The following BLNK variants were observed in gnomAD, a reference collection of about 807,000 sequenced individuals.
BLNK encodes B-cell linker protein.
In BLNK, 29 loss-of-function variants were observed where a neutral mutation model predicts 73.5. The observed-to-expected ratio is 0.39, with a 90% CI of 0.29 to 0.54. BLNK has a LOEUF of 0.54. BLNK is among the 20% of genes least tolerant of loss of function. The pLI is 0.61. For missense variants in BLNK, 460 were observed against 562.8 expected (o/e 0.82, Z 1.85); for synonymous variants, 176 against 200.8 (o/e 0.88, Z 1.04).
At chr10:96,201,136 A>G in intron 13 of BLNK, 78 bp from the exon 14 acceptor site, 1 of 1,297,262 alleles carries the variant, frequency 7.7e-7, no homozygotes, top group South Asian at 1.2e-5. Context: ...CTAACACTGT[A>G]CTAGGTGCTG....
chr10:96,223,109 A>AACTGGT lies in BLNK; in HGVS notation c.525+711_525+716dup, dbSNP rs587730106. 3.5e-3 allele frequency among the ~76,000 whole-genome samples: 536 copies of AACTGGT among 152,320 alleles called. 3 individuals carry two copies. Among genetic ancestry groups the AACTGGT allele is most frequent in the Middle Eastern group, 0.014 (4 of 294 alleles). On this transcript the variant is annotated intron_variant, in intron 6 of 16. Coordinates refer to ENST00000224337, the MANE Select transcript of BLNK (RefSeq NM_013314.4). ...ATTAAGAGGCAAAATGGCAGCGTTT[A>AACTGGT]ACTGGTACTTGACCTTCTAGAAACA...
rs1483261531 is a variant in BLNK, at chr10:96,200,444, C to T, written c.1012-286G>A. Among the ~76,000 whole-genome samples, 1 of 152,094 alleles carries T rather than the reference C, an allele frequency of 6.6e-6. No homozygotes were observed. The highest frequency in any genetic ancestry group is 2.1e-4 in the South Asian group (1 of 4,816). Reference sequence around the variant, plus strand: ...TTCCATTGTGCTCTTATTGCTCTTACTTTGTGGAGTGCTTTACAATTTCCA... The same window carrying T: ...TTCCATTGTGCTCTTATTGCTCTTATTTTGTGGAGTGCTTTACAATTTCCA... On this transcript the variant is annotated intron_variant, in intron 14 of 16. Coordinates refer to ENST00000224337, the MANE Select transcript of BLNK (RefSeq NM_013314.4). The surrounding 1 kb of genome is among the most constrained non-coding windows in gnomAD (Gnocchi z 4.3).
Position 96,189,790 on chromosome 10 carries a change from G to A in BLNK, c.*2183C>T. 3.3e-6 allele frequency: 3 copies of A among 916,460 alleles called. No individual in the cohort carries two copies. Among genetic ancestry groups the A allele is most frequent in the African/African-American group, 1.6e-5 (1 of 63,156 alleles). The allele number at this position is 916,460 out of a possible 1,614,324, so 56.8% of individuals were successfully genotyped here. ...CTGGAATCTTGCTACCACCTCCAGG[G>A]ACAGATCACTTTCCAGATATCCTTA... On this transcript the variant is annotated 3_prime_UTR_variant, in exon 17 of 17. Transcript: ENST00000224337.
chr10:96,255,297 C>A (rs1471859375), intron 1 of BLNK, among the ~76,000 whole-genome samples: 1 of 152,100 alleles, frequency 6.6e-6, no homozygotes, highest in Non-Finnish European at 1.5e-5. Flanking sequence ...CCAGAGGTGT[C>A]CAAGAAATTA....
rs1412067321 is a variant in BLNK at position 96,209,916 on chromosome 10, A to G, written c.677-9T>C. On this transcript the variant is annotated splice_polypyrimidine_tract_variant and intron_variant, in intron 8 of 16. Coordinates refer to ENST00000224337, the MANE Select transcript of BLNK (RefSeq NM_013314.4). The stretch of plus-strand genomic sequence containing the variant: ...GGCCCCACTGTTTCGACCTGCACAA[A>G]CATATACACTACTCAGTCCCCAAGT... 1.2e-6 allele frequency: 2 copies of G among 1,614,056 alleles called. No homozygotes were observed. The highest frequency in any genetic ancestry group is 8.5e-7 in the Non-Finnish European group (1 of 1,180,010).
intron 16 of BLNK, among the ~76,000 whole-genome samples, chr10:96,196,598 T>G (rs963372334): frequency 2.0e-5 from 3 of 152,218 alleles, no homozygotes; most frequent in Non-Finnish European, 4.4e-5. Flanking sequence ...TCTTACAACC[T>G]TAATTCAACT....
At position 96,200,971 on chromosome 10, in the gene BLNK, T is replaced by A. The variant is rs2083617322; in HGVS notation, c.1011+11A>T. 6.2e-7 allele frequency: 1 copy of A among 1,611,654 alleles called. No homozygotes were observed. The highest frequency in any genetic ancestry group is 8.5e-7 in the Non-Finnish European group (1 of 1,177,832). On this transcript the variant is annotated intron_variant, in intron 14 of 16. Coordinates refer to ENST00000224337, the MANE Select transcript of BLNK (RefSeq NM_013314.4). This position sits in a 1 kb window ranked among gnomAD's most constrained non-coding sequence, Gnocchi z 4.3. The stretch of plus-strand genomic sequence containing the variant: ...GTAACAATTTAGTGACATCAAGAGT[T>A]CATTTCATACCTGTTCTGAAATAGT...
At chr10:96,223,301 G>T (rs190493053) in intron 6 of BLNK, among the ~76,000 whole-genome samples, 1 of 152,272 alleles carries the variant, frequency 6.6e-6, no homozygotes, top group Admixed American at 6.5e-5. Context: ...GTGTGCTAGT[G>T]TATAAAACCC....
intron 3 of BLNK, among the ~76,000 whole-genome samples, chr10:96,232,915 A>G (rs1261138408): frequency 1.3e-5 from 2 of 148,182 alleles, no homozygotes; most frequent in Admixed American, 6.6e-5. Context: ...CCTTGGTGCA[A>G]GCGATCCTGC....
intron 3 of BLNK, among the ~76,000 whole-genome samples, chr10:96,235,963 G>C (rs1554905000): frequency 6.6e-6 from 1 of 151,992 alleles, no homozygotes; most frequent in Non-Finnish European, 1.5e-5. Context: ...AGCTGAGATG[G>C]GGAGCTGATG....
chr10:96,213,334 C>T (rs1554899082), intron 8 of BLNK, among the ~76,000 whole-genome samples: 1 of 152,156 alleles, frequency 6.6e-6, no homozygotes, highest in Non-Finnish European at 1.5e-5. Flanking sequence ...GCAAGGTCTC[C>T]AAGGAGCTTG....
chr10:96,257,015 C>T (rs772799081), intron 1 of BLNK, among the ~76,000 whole-genome samples: 1 of 151,972 alleles, frequency 6.6e-6, no homozygotes, highest in African/African-American at 2.4e-5. Flanking sequence ...CATCTCACAT[C>T]TCTAGTCACA....
chr10:96,197,894 T>G (rs1278498132), intron 15 of BLNK, among the ~76,000 whole-genome samples: 1 of 138,806 alleles, frequency 7.2e-6, no homozygotes, highest in Non-Finnish European at 1.5e-5. Flanking sequence ...CCAGCCTGGG[T>G]GACAGAGCGA....
intron 12 of BLNK, 143 bp downstream of exon 12, chr10:96,204,389 C>T (rs1178916985): frequency 1.2e-5 from 12 of 1,009,002 alleles, no homozygotes; most frequent in Middle Eastern, 2.0e-4. Context: ...TGCTCAACAC[C>T]TTTTAACACG....
chr10:96,216,535 G>T, intron 7 of BLNK, 118 bp downstream of exon 7: 1 of 865,446 alleles, frequency 1.2e-6, no homozygotes, highest in Non-Finnish European at 1.9e-6. Context: ...CTGTGGCCCA[G>T]GGGAGAAAGT....
At chr10:96,218,029 A>G (rs1234050747) in intron 6 of BLNK, among the ~76,000 whole-genome samples, 1 of 152,220 alleles carries the variant, frequency 6.6e-6, no homozygotes, top group African/African-American at 2.4e-5. Context: ...TACATCTAGC[A>G]CCATTTACCT....
intron 3 of BLNK, among the ~76,000 whole-genome samples, chr10:96,234,384 C>T (rs953280181): frequency 1.3e-5 from 2 of 152,182 alleles, no homozygotes; most frequent in Admixed American, 1.3e-4. Context: ...ATTGCCAAGA[C>T]TAAAAAGCAT....
rs377027662 is a variant in BLNK, at chr10:96,227,534, C to T, written c.237G>A (p.Ser79=). 19 of 1,614,172 alleles carry T rather than the reference C, an allele frequency of 1.2e-5. No homozygotes were observed. Among genetic ancestry groups the T allele is most frequent in the African/African-American group, 2.7e-5 (2 of 75,072 alleles). ...DSDYENPDEH[S]DSEMYVMPAE... is the part of the protein sequence containing the mutation. Reference sequence around the variant, plus strand: ...CGGGCATCACGTACATCTCTGAGTCCGAGTGCTCATCTGGATTTTCATAGT... The same window carrying T: ...CGGGCATCACGTACATCTCTGAGTCTGAGTGCTCATCTGGATTTTCATAGT... The change falls in exon 5 of 17, where the codon TCG becomes TCA. Residue 79 remains serine, a synonymous_variant. Coordinates refer to ENST00000224337, the MANE Select transcript of BLNK (RefSeq NM_013314.4).
At chr10:96,270,612 AT>A (rs1461672176) in intron 1 of BLNK, among the ~76,000 whole-genome samples, 1 of 145,146 alleles carries the variant, frequency 6.9e-6, no homozygotes, top group African/African-American at 2.9e-5. Context: ...TAAAAGTATA[AT>A]AAAAAAAAAA....
Sources: allele counts gnomAD v4.1 joint callset (sites outside exome capture counted in the v4.1 genomes callset), GRCh38; gene constraint gnomAD v4.1.1; non-coding constraint Gnocchi (gnomAD v3.1); transcripts MANE v1.5; gene names NCBI Gene and HGNC (gene_info 2026-07-23, HGNC 2026-07-21).